Variants in PPFIA2 observed in about 807,000 individuals in gnomAD.
The protein encoded by PPFIA2 is PPFI scaffold protein A2, also known as liprin-alpha-2.
PPFIA2 carries 46 observed loss-of-function variants against 175.5 expected under a neutral mutation model. The observed-to-expected ratio is 0.26, with a 90% confidence interval of 0.21 to 0.34. The LOEUF is 0.34. PPFIA2 is among the 10% of genes least tolerant of loss of function. PPFIA2 has a pLI of 1.00. For synonymous variants in PPFIA2, 568 were observed against 511.4 expected (o/e 1.11, Z -1.49); for missense variants, 1,179 against 1,506.1 (o/e 0.78, Z 3.60).
chr12:81,284,961 T>TAA (rs1444587007), intron 24 of PPFIA2, among the ~76,000 whole-genome samples: 1 of 152,194 alleles, frequency 6.6e-6, no homozygotes, highest in Non-Finnish European at 1.5e-5. Flanking sequence ...GCCACACTAA[T>TAA]AACTGTCAAA....
chr12:81,277,508 C>T (rs1453597983), intron 27 of PPFIA2, 94 bp from the exon 28 acceptor site: 3 of 1,183,862 alleles, frequency 2.5e-6, no homozygotes, highest in Non-Finnish European at 3.2e-6. Context: ...CTATGCACTG[C>T]TTCTTAGGGC....
intron 5 of PPFIA2, among the ~76,000 whole-genome samples, chr12:81,450,010 G>A (rs1363261170): frequency 6.6e-6 from 1 of 152,032 alleles, no homozygotes; most frequent in Non-Finnish European, 1.5e-5. Flanking sequence ...TGGTTTATAT[G>A]TGCCACATTT....
intron 5 of PPFIA2, among the ~76,000 whole-genome samples, chr12:81,450,507 T>C (rs1168873160): frequency 6.6e-6 from 1 of 152,162 alleles, no homozygotes; most frequent in Non-Finnish European, 1.5e-5. Context: ...TCTTGTAAAT[T>C]TGTTTGAGTT....
At chr12:81,571,459 T>C (rs1174827925) in intron 4 of PPFIA2, among the ~76,000 whole-genome samples, 3 of 152,100 alleles carry the variant, frequency 2.0e-5, no homozygotes, top group Non-Finnish European at 4.4e-5. Flanking sequence ...GAGTCTATTA[T>C]ACTGGTTCAA....
At chr12:81,463,253 G>A (rs1248401364) in intron 4 of PPFIA2, among the ~76,000 whole-genome samples, 3 of 152,100 alleles carry the variant, frequency 2.0e-5, no homozygotes, top group African/African-American at 7.2e-5. Flanking sequence ...GTATAACACA[G>A]AGTATTATCA....
At chr12:81,696,250 C>A (rs2075877353) in intron 3 of PPFIA2, among the ~76,000 whole-genome samples, 1 of 152,128 alleles carries the variant, frequency 6.6e-6, no homozygotes, top group Admixed American at 6.6e-5. Flanking sequence ...GCACAAATAG[C>A]AATAGTAGCA....
At chr12:81,400,381 A>T (rs932808437) in intron 8 of PPFIA2, among the ~76,000 whole-genome samples, 1 of 152,156 alleles carries the variant, frequency 6.6e-6, no homozygotes, top group African/African-American at 2.4e-5. Flanking sequence ...ATAAAGGCAC[A>T]TCCCGTATTC....
In PPFIA2 at chr12:81,695,089, G is replaced by A. The variant is rs572701859; in HGVS notation, c.250-18245C>T. Among the ~76,000 whole-genome samples, 3 of 152,244 alleles carry A rather than the reference G, an allele frequency of 2.0e-5. No homozygotes were observed. In the South Asian group the frequency reaches 6.2e-4, roughly 32 times the overall value. On this transcript the variant is annotated intron_variant, in intron 3 of 32. Transcript: ENST00000549396. ...TTTTTATTTTTCAGGCTCATAGGTGGAAGGGAATTGCTTTATCTCTGCTGA... is the reference window on the plus strand; with the variant it reads ...TTTTTATTTTTCAGGCTCATAGGTGAAAGGGAATTGCTTTATCTCTGCTGA...
At chr12:81,670,184 T>C (rs1202110959) in intron 4 of PPFIA2, among the ~76,000 whole-genome samples, 4 of 151,930 alleles carry the variant, frequency 2.6e-5, no homozygotes, top group Non-Finnish European at 1.5e-5. Flanking sequence ...CAAGTGGACA[T>C]GTCAAATGTT....
chr12:81,296,391 C>A (rs2046437681), intron 23 of PPFIA2, among the ~76,000 whole-genome samples: 1 of 152,180 alleles, frequency 6.6e-6, no homozygotes, highest in Non-Finnish European at 1.5e-5. Context: ...ATTAAACCAG[C>A]AGTGCTATTT....
intron 4 of PPFIA2, among the ~76,000 whole-genome samples, chr12:81,604,592 G>A (rs547974023): frequency 2.3e-4 from 18 of 77,992 alleles, no homozygotes; most frequent in East Asian, 8.8e-4. Flanking sequence ...TATTTCAATC[G>A]AAAATTATAT....
At chr12:81,449,804 G>A (rs550548691) in intron 5 of PPFIA2, among the ~76,000 whole-genome samples, 58 of 108,072 alleles carry the variant, frequency 5.4e-4, no homozygotes, top group Non-Finnish European at 8.5e-4. Context: ...CCGACCCCAT[G>A]ACAGGCCCTG....
intron 4 of PPFIA2, among the ~76,000 whole-genome samples, chr12:81,465,940 T>C (rs1391291060): frequency 6.6e-6 from 1 of 152,172 alleles, no homozygotes; most frequent in Non-Finnish European, 1.5e-5. Flanking sequence ...ATTTTTATTT[T>C]ATTATGTAAT....
intron 3 of PPFIA2, among the ~76,000 whole-genome samples, chr12:81,739,275 A>G (rs890672127): frequency 6.6e-6 from 1 of 152,046 alleles, no homozygotes; most frequent in Non-Finnish European, 1.5e-5. Context: ...CACATTTTCT[A>G]TAAAAGGAAT....
In PPFIA2 at chr12:81,739,369, A is replaced by G. The variant is rs555567884; in HGVS notation, c.249+14604T>C. On this transcript the variant is annotated intron_variant, in intron 3 of 32. Transcript: ENST00000549396. Reference sequence around the variant, plus strand: ...GATGGAATATAGTTCATAGTACTGTATTCTGATAGCATGATGGATCAGACA... The same window carrying G: ...GATGGAATATAGTTCATAGTACTGTGTTCTGATAGCATGATGGATCAGACA... 1.7e-3 allele frequency among the ~76,000 whole-genome samples: 253 copies of G among 152,202 alleles called. 1 individual carries two copies. Among genetic ancestry groups the G allele is most frequent in the African/African-American group, 5.8e-3 (243 of 41,582 alleles).
At chr12:81,671,022 T>A (rs2071298988) in intron 4 of PPFIA2, among the ~76,000 whole-genome samples, 1 of 151,964 alleles carries the variant, frequency 6.6e-6, no homozygotes, top group African/African-American at 2.4e-5. Context: ...TTTAATTAAG[T>A]CTTCTACATG....
chr12:81,373,248 TCAGTA>T (rs2035606709), intron 11 of PPFIA2, among the ~76,000 whole-genome samples: 1 of 151,792 alleles, frequency 6.6e-6, no homozygotes, highest in Non-Finnish European at 1.5e-5. Flanking sequence ...TTTTTCTTAT[TCAGTA>T]ACTCATCTAA....
intron 5 of PPFIA2, among the ~76,000 whole-genome samples, chr12:81,452,644 G>A (rs1388458332): frequency 6.6e-6 from 1 of 152,146 alleles, no homozygotes; most frequent in Non-Finnish European, 1.5e-5. Flanking sequence ...TTTCAGCTGA[G>A]AAGGTCTTCC....
chr12:81,373,263 A>AC (rs1056819985), intron 11 of PPFIA2, among the ~76,000 whole-genome samples: 6 of 151,740 alleles, frequency 4.0e-5, no homozygotes, highest in African/African-American at 1.5e-4. Flanking sequence ...AACTCATCTA[A>AC]CCCCCCAAAA....
Sources: allele counts gnomAD v4.1 joint callset (sites outside exome capture counted in the v4.1 genomes callset), GRCh38; gene constraint gnomAD v4.1.1; transcripts MANE v1.5; gene names NCBI Gene and HGNC (gene_info 2026-07-23, HGNC 2026-07-21).